Variants in COL25A1 observed in about 807,000 individuals in gnomAD.
COL25A1 encodes the protein collagen type XXV alpha 1 chain, also known as collagen alpha-1(XXV) chain.
COL25A1 carries 103 observed loss-of-function variants against 128.4 expected under a neutral mutation model. That is an observed-to-expected ratio of 0.80 (90% confidence interval 0.68 to 0.94). COL25A1 has a LOEUF of 0.94. Ranked by LOEUF, COL25A1 falls within the 40% of genes least tolerant of loss-of-function variation. The pLI, the probability that COL25A1 is intolerant of heterozygous loss-of-function variation, is 0.00. For missense variants in COL25A1, 745 were observed against 840.0 expected (o/e 0.89, Z 1.40); for synonymous variants, 279 against 277.2 (o/e 1.01, Z -0.06).
At chr4:108,846,616 A>G (rs76504774) in intron 27 of COL25A1, among the ~76,000 whole-genome samples, 6,713 of 152,182 alleles carry the variant, frequency 0.044, 240 homozygotes, top group Middle Eastern at 0.058. Context: ...CAAATGTCCA[A>G]ATTTCTCTCA....
chr4:109,200,516 G>A (rs1776473425), intron 3 of COL25A1, among the ~76,000 whole-genome samples: 2 of 151,994 alleles, frequency 1.3e-5, no homozygotes, highest in African/African-American at 2.4e-5. Flanking sequence ...GGAATGCAAT[G>A]GCACAATTTT....
chr4:109,065,534 G>GCGCGCGCA (rs1762352678), intron 3 of COL25A1, among the ~76,000 whole-genome samples: 1 of 127,374 alleles, frequency 7.9e-6, no homozygotes, highest in African/African-American at 3.2e-5. Flanking sequence ...GGTGCAGCAC[G>GCGCGCGCA]CGCGCGCGCG....
intron 6 of COL25A1, among the ~76,000 whole-genome samples, chr4:109,001,373 A>AGGCATCTGAGATCCTGTCAGGTC (rs1755360722): frequency 2.6e-5 from 4 of 151,074 alleles, no homozygotes; most frequent in African/African-American, 7.4e-5. Context: ...TAAAAGAAAC[A>AGGCATCTGAGATCCTGTCAGGTC]GGCATCTGAG....
intron 35 of COL25A1, 42 bp from the exon 36 acceptor site, chr4:108,819,371 A>C (rs149003520): frequency 2.0e-6 from 3 of 1,503,116 alleles, no homozygotes; most frequent in African/African-American, 2.8e-5. Context: ...AACACAAGAA[A>C]TCACTTAAGC....
rs139320958 is a variant in COL25A1, at chr4:109,216,371, A to C, written c.367+84212T>G. The stretch of plus-strand genomic sequence containing the variant: ...AGAAACTCAGTGGGCTGCCATGGTA[A>C]AAATGCTTATGGGTTGAATTGTGTT... On this transcript the variant is annotated intron_variant, in intron 3 of 37. Coordinates refer to ENST00000399132, the MANE Select transcript of COL25A1 (RefSeq NM_198721.4). Among the ~76,000 whole-genome samples, 100 of 152,250 alleles carry C rather than the reference A, an allele frequency of 6.6e-4. 1 individual carries two copies. In the South Asian group the frequency reaches 0.019, roughly 29 times the overall value.
intron 3 of COL25A1, among the ~76,000 whole-genome samples, chr4:109,207,556 T>A (rs1777114616): frequency 6.6e-6 from 1 of 152,186 alleles, no homozygotes; most frequent in South Asian, 2.1e-4. Flanking sequence ...ATACTAATTT[T>A]CTAGTGCATG....
At chr4:108,850,390 C>A (rs746624763) in intron 26 of COL25A1, among the ~76,000 whole-genome samples, 24 of 151,566 alleles carry the variant, frequency 1.6e-4, no homozygotes, top group Middle Eastern at 6.8e-3. Context: ...TTATCCCAAC[C>A]TTCTCAAGGA....
At chr4:108,859,916 A>C (rs1007879854) in intron 23 of COL25A1, among the ~76,000 whole-genome samples, 183 bp from the exon 24 acceptor site, 2 of 152,230 alleles carry the variant, frequency 1.3e-5, no homozygotes, top group African/African-American at 4.8e-5. Flanking sequence ...AAAGGAGGCA[A>C]ACCACTTCTT....
intron 6 of COL25A1, among the ~76,000 whole-genome samples, chr4:108,995,470 GA>G (rs1754677459): frequency 6.6e-6 from 1 of 152,214 alleles, no homozygotes; most frequent in East Asian, 1.9e-4. Flanking sequence ...GGGACTATGT[GA>G]AAAGACCAAA....
intron 3 of COL25A1, among the ~76,000 whole-genome samples, chr4:109,263,283 G>C (rs1317492451): frequency 6.6e-6 from 1 of 152,180 alleles, no homozygotes; most frequent in African/African-American, 2.4e-5. Flanking sequence ...CAGAGCAGTA[G>C]TCCTTTCACT....
At chr4:109,016,035 G>A (rs6846889) in intron 5 of COL25A1, among the ~76,000 whole-genome samples, 3,086 of 152,258 alleles carry the variant, frequency 0.02, 82 homozygotes, top group African/African-American at 0.07. Flanking sequence ...TGGGTGCCCC[G>A]CACTTCTGGG....
chr4:109,136,866 T>C, intron 3 of COL25A1, among the ~76,000 whole-genome samples: 1 of 152,354 alleles, frequency 6.6e-6, no homozygotes, highest in East Asian at 1.9e-4. Flanking sequence ...TCAGGTGCCC[T>C]CACTCTTCCA....
rs1237940341 is a variant in COL25A1, at chr4:108,974,637, A to G, written c.439-78T>C. The G allele has an allele frequency of 1.6e-5, 19 of 1,215,220 alleles. No individual in the cohort carries two copies. In the Admixed American group the frequency reaches 4.4e-4, roughly 28 times the overall value. The allele number at this position is 1,215,220 out of a possible 1,614,324, so 75.3% of individuals were successfully genotyped here. ...TGAATAGATCAGCCAGGTTAGTTGA[A>G]AGATTCATTCAAAGAATACAGAGAT... On this transcript the variant is annotated intron_variant, in intron 6 of 37. Coordinates refer to ENST00000399132, the MANE Select transcript of COL25A1 (RefSeq NM_198721.4).
chr4:109,045,379 A>G (rs1277232043), intron 5 of COL25A1, among the ~76,000 whole-genome samples: 1 of 152,164 alleles, frequency 6.6e-6, no homozygotes, highest in Non-Finnish European at 1.5e-5. Flanking sequence ...AAATAGGAAT[A>G]GTCCCTAGAA....
intron 3 of COL25A1, among the ~76,000 whole-genome samples, chr4:109,229,862 T>C (rs1239636955): frequency 3.9e-5 from 6 of 152,024 alleles, no homozygotes; most frequent in South Asian, 4.2e-4. Flanking sequence ...GGGCAACTTA[T>C]AAAAAAAGAG....
chr4:109,205,216 G>A (rs1352201813), intron 3 of COL25A1, among the ~76,000 whole-genome samples: 1 of 152,144 alleles, frequency 6.6e-6, no homozygotes, highest in African/African-American at 2.4e-5. Flanking sequence ...CAATCATAGA[G>A]TTGATACATA....
chr4:109,020,312 T>C lies in COL25A1; in HGVS notation c.421-9937A>G, dbSNP rs183821819. Among the ~76,000 whole-genome samples, 358 of 152,290 alleles carry C rather than the reference T, an allele frequency of 2.4e-3. 1 individual carries two copies. Among genetic ancestry groups the C allele is most frequent in the African/African-American group, 7.7e-3 (319 of 41,570 alleles). ...GCACCTTAGCTACAGTCAACTAATA[T>C]TACTTAGATAAGAATTTTTCAATTT... On this transcript the variant is annotated intron_variant, in intron 5 of 37. Coordinates refer to ENST00000399132, the MANE Select transcript of COL25A1 (RefSeq NM_198721.4).
At chr4:109,216,901 T>G (rs2126204477) in intron 3 of COL25A1, among the ~76,000 whole-genome samples, 2 of 152,244 alleles carry the variant, frequency 1.3e-5, no homozygotes, top group Non-Finnish European at 2.9e-5. Flanking sequence ...AAACTTTGCT[T>G]AACTAAAACA....
chr4:109,294,288 C>G (rs928730882), intron 3 of COL25A1, among the ~76,000 whole-genome samples: 2 of 152,066 alleles, frequency 1.3e-5, no homozygotes, highest in Non-Finnish European at 2.9e-5. Flanking sequence ...TTAAATGAAT[C>G]ACAGAATAGT....
Sources: allele counts gnomAD v4.1 joint callset (sites outside exome capture counted in the v4.1 genomes callset), GRCh38; gene constraint gnomAD v4.1.1; transcripts MANE v1.5; gene names NCBI Gene and HGNC (gene_info 2026-07-23, HGNC 2026-07-21).